The following EIF5B variants were observed in gnomAD, a reference collection of about 807,000 sequenced individuals.
The protein encoded by EIF5B is eIF-5B.
Under a neutral mutation model 147.5 loss-of-function variants are expected in EIF5B, and 47 were observed. The observed-to-expected ratio is 0.32, with a 90% CI of 0.25 to 0.41. The LOEUF is 0.41. EIF5B is among the 10% of genes least tolerant of loss of function. EIF5B has a pLI of 1.00. For missense variants in EIF5B, 1,064 were observed against 1,413.2 expected (o/e 0.75, Z 3.96); for synonymous variants, 455 against 456.2 (o/e 1.00, Z 0.03).
intron 10 of EIF5B, 124 bp from the exon 11 acceptor site, chr2:99,378,895 T>C: frequency 1.5e-6 from 1 of 682,492 alleles, no homozygotes; most frequent in Non-Finnish European, 2.3e-6. Context: ...TTATGTGTAG[T>C]CAAATCAACA....
intron 9 of EIF5B, among the ~76,000 whole-genome samples, chr2:99,374,417 A>T (rs1482935422): frequency 6.6e-6 from 1 of 151,708 alleles, no homozygotes; most frequent in Non-Finnish European, 1.5e-5. Flanking sequence ...CATTCTTAAC[A>T]TTTTGTTGCG....
At chr2:99,371,453 A>G (rs1403417675) in intron 8 of EIF5B, among the ~76,000 whole-genome samples, 2 of 149,028 alleles carry the variant, frequency 1.3e-5, no homozygotes, top group Non-Finnish European at 3.0e-5. Flanking sequence ...ACGCCACCGC[A>G]CTCCAGCCTG....
At chr2:99,399,241 G>A (rs1298424510) in intron 23 of EIF5B, 66 bp from the exon 24 acceptor site, 3 of 1,473,168 alleles carry the variant, frequency 2.0e-6, no homozygotes, top group Middle Eastern at 1.7e-4. Context: ...GGGCATCTGG[G>A]GCCACAGCTT....
rs1674917578 is a variant in EIF5B, at chr2:99,390,992, G to A, written c.2748+287G>A. On this transcript the variant is annotated intron_variant, in intron 17 of 23. Coordinates refer to ENST00000289371, the MANE Select transcript of EIF5B (RefSeq NM_015904.4). ...ACTCTTGAACAACATGAGGGCTAGG[G>A]GCACTGACTCCCTGGCCAGTTGAAA... 2.0e-5 allele frequency among the ~76,000 whole-genome samples: 3 copies of A among 152,084 alleles called. No individual in the cohort carries two copies. The South Asian group carries it at 6.2e-4, about 32-fold the overall frequency.
chr2:99,349,244 A>C (rs2094279176), intron 1 of EIF5B, among the ~76,000 whole-genome samples: 1 of 152,338 alleles, frequency 6.6e-6, no homozygotes, highest in East Asian at 1.9e-4. Flanking sequence ...TGCAGTGGGT[A>C]AAGAGGCATT....
intron 10 of EIF5B, among the ~76,000 whole-genome samples, chr2:99,377,282 A>G (rs1256800030): frequency 1.3e-5 from 2 of 152,066 alleles, no homozygotes; most frequent in East Asian, 3.9e-4. Context: ...CTATATATCA[A>G]CATTTGCTTT....
intron 1 of EIF5B, among the ~76,000 whole-genome samples, chr2:99,350,894 G>A (rs1673939096): frequency 6.6e-6 from 1 of 152,164 alleles, no homozygotes; most frequent in South Asian, 2.1e-4. Context: ...GGTGAGATGA[G>A]AATGAAGAAA....
In EIF5B at chr2:99,390,410, C is replaced by A; in HGVS notation, c.2586+9C>A. 6.3e-7 allele frequency: 1 copy of A among 1,584,998 alleles called. No homozygotes were observed. Among genetic ancestry groups the A allele is most frequent in the South Asian group, 1.2e-5 (1 of 85,792 alleles). The stretch of plus-strand genomic sequence containing the variant: ...GAGCACAGGTGATGGAGGTAATGAT[C>A]AACTTTTCAGTTTATTGTTTTTTTT... On this transcript the variant is annotated intron_variant, in intron 16 of 23. Coordinates refer to ENST00000289371, the MANE Select transcript of EIF5B (RefSeq NM_015904.4).
rs1553531981 is a variant in EIF5B, at chr2:99,338,922, G to GTATA, written c.35+1346_35+1349dup. On this transcript the variant is annotated intron_variant, in intron 1 of 23. Coordinates refer to ENST00000289371, the MANE Select transcript of EIF5B (RefSeq NM_015904.4). ...TTCATCCCACCTACTAGAAGTGTGT[G>GTATA]TATATATATATATATACAAATATAT... 1.3e-3 allele frequency among the ~76,000 whole-genome samples: 182 copies of GTATA among 142,308 alleles called. 2 individuals carry two copies. The highest frequency in any genetic ancestry group is 4.4e-3 in the African/African-American group (171 of 38,790). 93.4% of individuals were successfully genotyped at this position (142,308 alleles called of 152,430 possible).
intron 9 of EIF5B, among the ~76,000 whole-genome samples, chr2:99,372,044 G>A (rs1176988426): frequency 1.3e-5 from 2 of 152,102 alleles, no homozygotes; most frequent in South Asian, 2.1e-4. Flanking sequence ...AACTTAAAAG[G>A]TAATGAGATA....
At chr2:99,344,262 TTG>T (rs2094267719) in intron 1 of EIF5B, among the ~76,000 whole-genome samples, 1 of 152,176 alleles carries the variant, frequency 6.6e-6, no homozygotes. Context: ...CTAATACCAT[TTG>T]TTGAAGAGAA....
intron 14 of EIF5B, among the ~76,000 whole-genome samples, chr2:99,386,573 G>T (rs1397755307): frequency 2.0e-5 from 3 of 150,666 alleles, no homozygotes; most frequent in Non-Finnish European, 3.0e-5. Flanking sequence ...TGTTGCCCAG[G>T]CTGGAGTGCA....
rs1437718444 is a variant in EIF5B, at chr2:99,379,558, T to C, written c.2061+130T>C. ...CTCACCATTCAGAATTAACATGTAC[T>C]ATTTTGCCTATTTTGCTTTAGATCA... On this transcript the variant is annotated intron_variant, in intron 12 of 23. Coordinates refer to ENST00000289371, the MANE Select transcript of EIF5B (RefSeq NM_015904.4). 34 of 622,772 alleles carry C rather than the reference T, an allele frequency of 5.5e-5. No homozygotes were observed. The South Asian group carries it at 7.2e-4, about 13-fold the overall frequency. 38.6% of individuals were successfully genotyped at this position (622,772 alleles called of 1,614,324 possible). A position where few individuals can be genotyped will look rare whatever the true frequency, so the allele number is the denominator to read the frequency against.
intron 13 of EIF5B, 96 bp from the exon 14 acceptor site, chr2:99,382,684 C>T: frequency 8.2e-7 from 1 of 1,222,864 alleles, no homozygotes; most frequent in Non-Finnish European, 1.1e-6. Context: ...TACATATACT[C>T]TATTTTGTTT....
chr2:99,392,828 T>G (rs1291024821), intron 17 of EIF5B, 139 bp from the exon 18 acceptor site: 1 of 680,560 alleles, frequency 1.5e-6, no homozygotes, highest in Non-Finnish European at 2.1e-6. Context: ...ATGTTAAATT[T>G]ATCAGTCTTG....
intron 15 of EIF5B, 38 bp from the exon 16 acceptor site, chr2:99,390,181 C>T (rs373772700): frequency 3.7e-6 from 6 of 1,611,586 alleles, no homozygotes; most frequent in Non-Finnish European, 5.1e-6. Context: ...GATACGTTTT[C>T]TTTACAGCCT....
chr2:99,355,737 C>T (rs976046622), intron 1 of EIF5B, among the ~76,000 whole-genome samples: 2 of 151,236 alleles, frequency 1.3e-5, no homozygotes, highest in East Asian at 1.9e-4. Flanking sequence ...CCCAGTCTCC[C>T]GAGTAGCTGG....
Position 99,361,500 on chromosome 2 carries a change from A to G in EIF5B, c.599A>G (p.Gln200Arg), listed in dbSNP as rs1310252103. 1 of 1,613,934 alleles carries G rather than the reference A, an allele frequency of 6.2e-7. No individual in the cohort carries two copies. Among genetic ancestry groups the G allele is most frequent in the African/African-American group, 1.3e-5 (1 of 74,910 alleles). ...GAATTTTTGCAATCTAGAAAAGGAC[A>G]GAAAAAAAATCAGAAAAACAAGCCA... ...SDEFLQSRKG[Q>R]KKNQKNKPGP... The change falls in exon 4 of 24, where the codon CAG (glutamine) becomes CGG (arginine). Residue 200 changes from glutamine to arginine, a missense_variant. Coordinates refer to ENST00000289371, the MANE Select transcript of EIF5B (RefSeq NM_015904.4).
intron 21 of EIF5B, among the ~76,000 whole-genome samples, chr2:99,395,215 G>A (rs1034300645): frequency 6.6e-6 from 1 of 152,196 alleles, no homozygotes; most frequent in African/African-American, 2.4e-5. Flanking sequence ...GGAAAACCGG[G>A]AAATAAGAGA....
Sources: allele counts gnomAD v4.1 joint callset (sites outside exome capture counted in the v4.1 genomes callset), GRCh38; gene constraint gnomAD v4.1.1; transcripts MANE v1.5; gene names NCBI Gene and HGNC (gene_info 2026-07-23, HGNC 2026-07-21).